SCN2A: variants seen among roughly 807,000 people sequenced by gnomAD.
SCN2A encodes the protein sodium channel protein type 2 subunit alpha.
Under a neutral mutation model 188.7 loss-of-function variants are expected in SCN2A, and 20 were observed. The ratio of observed to expected loss-of-function variants is 0.11; its 90% CI spans 0.07 to 0.15. The LOEUF is 0.15. Among genes scored for constraint, SCN2A ranks in the 10% least tolerant of loss-of-function variants. SCN2A has a pLI of 1.00. For synonymous variants in SCN2A, 804 were observed against 833.1 expected (o/e 0.97, Z 0.60); for missense variants, 1,278 against 2,445.0 (o/e 0.52, Z 10.07).
At chr2:165,278,303 A>C (rs1226559728) in intron 1 of SCN2A, among the ~76,000 whole-genome samples, 1 of 152,170 alleles carries the variant, frequency 6.6e-6, no homozygotes, top group South Asian at 2.1e-4. Context: ...TTTACAAAGG[A>C]AAGAGGTTTA....
At chr2:165,376,234 A>T (rs1701307947) in intron 22 of SCN2A, among the ~76,000 whole-genome samples, 1 of 151,886 alleles carries the variant, frequency 6.6e-6, no homozygotes, top group Non-Finnish European at 1.5e-5. Flanking sequence ...ATAATTATAT[A>T]TTACTTAGCT....
chr2:165,294,268 C>A, intron 1 of SCN2A: 1 of 271,850 alleles, frequency 3.7e-6, no homozygotes, highest in Non-Finnish European at 5.6e-6. Context: ...TTTAGCATGT[C>A]TCTTCTATTA....
chr2:165,319,737 C>G (rs1228774151), intron 11 of SCN2A, among the ~76,000 whole-genome samples: 2 of 152,088 alleles, frequency 1.3e-5, no homozygotes, highest in African/African-American at 4.8e-5. Flanking sequence ...CTCATGAGAC[C>G]CATTCAGTAC....
intron 11 of SCN2A, among the ~76,000 whole-genome samples, chr2:165,321,585 G>T (rs549814389): frequency 6.6e-6 from 1 of 152,322 alleles, no homozygotes; most frequent in South Asian, 2.1e-4. Flanking sequence ...CATGGCAGAA[G>T]GCAAAGAGGA....
At position 165,374,442 on chromosome 2, in the gene SCN2A, A is replaced by T. The variant is rs73969389; in HGVS notation, c.3973-243A>T. Among the ~76,000 whole-genome samples the T allele has an allele frequency of 2.6e-3, 400 of 152,094 alleles. 1 individual carries two copies. Among genetic ancestry groups the T allele is most frequent in the African/African-American group, 9.1e-3 (376 of 41,534 alleles). ...GCTGTTAGTTCCATCCTTTGAGGTA[A>T]ATTTGCTACATGTGTGTTATTACCT... is the stretch of plus-strand genomic sequence containing the variant. On this transcript the variant is annotated intron_variant, in intron 21 of 26. Coordinates refer to ENST00000375437, the MANE Select transcript of SCN2A (RefSeq NM_001040142.2).
chr2:165,246,628 A>G (rs1176322406), intron 1 of SCN2A, among the ~76,000 whole-genome samples: 1 of 152,150 alleles, frequency 6.6e-6, no homozygotes, highest in Non-Finnish European at 1.5e-5. Flanking sequence ...CTCCTTGTAT[A>G]TACATACATA....
Position 165,323,388 on chromosome 2 carries a change from T to C in SCN2A, c.1904T>C (p.Leu635Pro), listed in dbSNP as rs558887330. ...CAGGCCAGCCGTGCCTCCAGGGTGCTCCCCATCCTGCCCATGAATGGGAAG... is the reference window on the plus strand; with the variant it reads ...CAGGCCAGCCGTGCCTCCAGGGTGCCCCCCATCCTGCCCATGAATGGGAAG... The part of the protein sequence containing the change: ...VSQASRASRV[L>P]PILPMNGKMH... The change falls in exon 12 of 27, where the codon CTC becomes CCC. Residue 635 changes from leucine to proline, a missense_variant. Transcript: ENST00000375437. 1.2e-5 allele frequency: 19 copies of C among 1,614,102 alleles called. No homozygotes were observed. The East Asian group carries it at 3.3e-4, about 28-fold the overall frequency.
intron 2 of SCN2A, chr2:165,296,580 C>T (rs994547019): frequency 5.4e-6 from 1 of 186,014 alleles, no homozygotes; most frequent in Admixed American, 5.4e-5. Flanking sequence ...TTCTATTGCT[C>T]TCCACAGAAG....
At chr2:165,377,053 T>C (rs1018361519) in intron 22 of SCN2A, among the ~76,000 whole-genome samples, 3 of 152,054 alleles carry the variant, frequency 2.0e-5, no homozygotes, top group Non-Finnish European at 4.4e-5. Context: ...TGCAGTAGAA[T>C]ATATTGTTTT....
At chr2:165,331,874 T>A (rs1378758450) in intron 14 of SCN2A, among the ~76,000 whole-genome samples, 2 of 152,064 alleles carry the variant, frequency 1.3e-5, no homozygotes, top group Non-Finnish European at 2.9e-5. Flanking sequence ...AACCTTAGAA[T>A]AGGTTCTTTA....
intron 26 of SCN2A, among the ~76,000 whole-genome samples, chr2:165,387,968 T>C (rs932349085): frequency 6.6e-6 from 1 of 152,098 alleles, no homozygotes; most frequent in Non-Finnish European, 1.5e-5. Context: ...CAATCTCTGG[T>C]TTTGCAAGGA....
At chr2:165,315,792 A>AT in intron 11 of SCN2A, 34 bp downstream of exon 11, 1 of 1,599,996 alleles carries the variant, frequency 6.3e-7, no homozygotes, top group Non-Finnish European at 8.5e-7. Context: ...TTGTGTTCTC[A>AT]TAAATTTTTT....
intron 1 of SCN2A, among the ~76,000 whole-genome samples, chr2:165,244,022 A>C (rs890258632): frequency 6.6e-6 from 1 of 152,098 alleles, no homozygotes; most frequent in African/African-American, 2.4e-5. Flanking sequence ...TAGGCAGATC[A>C]CCTGAGGTCA....
chr2:165,306,323 A>G (rs904174782), intron 3 of SCN2A, among the ~76,000 whole-genome samples: 6 of 152,186 alleles, frequency 3.9e-5, no homozygotes, highest in Admixed American at 3.9e-4. Context: ...GTTTGTGACC[A>G]TAAATTTAGA....
At chr2:165,265,267 T>C (rs973433189) in intron 1 of SCN2A, among the ~76,000 whole-genome samples, 4 of 151,594 alleles carry the variant, frequency 2.6e-5, no homozygotes, top group Admixed American at 2.6e-4. Context: ...CCACAACATA[T>C]ATATTGTTGG....
At chr2:165,293,594 G>A (rs1473109398) in intron 1 of SCN2A, among the ~76,000 whole-genome samples, 1 of 152,092 alleles carries the variant, frequency 6.6e-6, no homozygotes. Context: ...TGCGACCACT[G>A]TCATATATGT....
chr2:165,324,308 G>A (rs1341566468), intron 12 of SCN2A, among the ~76,000 whole-genome samples: 1 of 152,030 alleles, frequency 6.6e-6, no homozygotes, highest in Non-Finnish European at 1.5e-5. Flanking sequence ...GTATTTTATA[G>A]CATTCAAAAT....
chr2:165,255,507 T>C (rs1694273528), intron 1 of SCN2A, among the ~76,000 whole-genome samples: 1 of 152,088 alleles, frequency 6.6e-6, no homozygotes, highest in Non-Finnish European at 1.5e-5. Flanking sequence ...TATGGCTCTA[T>C]GGTTTAACTC....
chr2:165,361,436 T>G (rs896665658), intron 17 of SCN2A, among the ~76,000 whole-genome samples: 1 of 152,036 alleles, frequency 6.6e-6, no homozygotes, highest in Non-Finnish European at 1.5e-5. Flanking sequence ...TACTTTTGAA[T>G]CATCAAAAAG....
Sources: gnomAD v4.1 joint callset for allele counts (sites outside exome capture counted in the v4.1 genomes callset) on GRCh38, gnomAD v4.1.1 for gene constraint, MANE v1.5 for transcripts, NCBI Gene and HGNC (gene_info 2026-07-23, HGNC 2026-07-21) for gene names.